CAMK2D: variants seen among roughly 807,000 people sequenced by gnomAD.
CAMK2D encodes calcium/calmodulin dependent protein kinase II delta, also known as calcium/calmodulin-dependent protein kinase type II subunit delta.
CAMK2D carries 37 observed loss-of-function variants against 84.0 expected under a neutral mutation model. That is an observed-to-expected ratio of 0.44 (90% confidence interval 0.34 to 0.58). The LOEUF is 0.58. Among genes scored for constraint, CAMK2D ranks in the 20% least tolerant of loss-of-function variants. The probability of loss-of-function intolerance (pLI) is 0.02; values close to 1 mark genes in which losing one functional copy is unlikely to be tolerated. For synonymous variants in CAMK2D, 202 were observed against 212.5 expected (o/e 0.95, Z 0.43); for missense variants, 448 against 652.5 (o/e 0.69, Z 3.41).
chr4:113,509,420 T>C (rs2098179030), intron 13 of CAMK2D, among the ~76,000 whole-genome samples: 1 of 152,222 alleles, frequency 6.6e-6, no homozygotes, highest in Admixed American at 6.5e-5. Context: ...TATTTTTTCA[T>C]GACTATTTCA....
At chr4:113,571,040 A>C (rs1014961487) in intron 4 of CAMK2D, among the ~76,000 whole-genome samples, 6 of 152,218 alleles carry the variant, frequency 3.9e-5, no homozygotes, top group Non-Finnish European at 8.8e-5. Flanking sequence ...AGGTGTATGA[A>C]AAAATGTTCA....
intron 3 of CAMK2D, among the ~76,000 whole-genome samples, chr4:113,631,955 T>C (rs1050373416): frequency 2.0e-5 from 3 of 152,152 alleles, no homozygotes; most frequent in African/African-American, 4.8e-5. Context: ...AATGATGAAA[T>C]TGTAGATACA....
At chr4:113,581,293 C>A (rs573645463) in intron 4 of CAMK2D, among the ~76,000 whole-genome samples, 15 of 152,070 alleles carry the variant, frequency 9.9e-5, no homozygotes, top group African/African-American at 3.4e-4. Flanking sequence ...GCGGGTGGAT[C>A]ACCTGAGGTC....
chr4:113,640,632 T>C (rs1016689802), intron 3 of CAMK2D, among the ~76,000 whole-genome samples: 1 of 152,204 alleles, frequency 6.6e-6, no homozygotes, highest in African/African-American at 2.4e-5. Context: ...AAGGTTCCAC[T>C]GGACTTAGTA....
At chr4:113,620,245 C>CA (rs2099039904) in intron 3 of CAMK2D, among the ~76,000 whole-genome samples, 1 of 152,068 alleles carries the variant, frequency 6.6e-6, no homozygotes, top group South Asian at 2.1e-4. Context: ...AAACAGCCAA[C>CA]ACCTCCAGGT....
chr4:113,735,503 T>A (rs1033884144), intron 2 of CAMK2D, among the ~76,000 whole-genome samples: 2 of 151,798 alleles, frequency 1.3e-5, no homozygotes, highest in Non-Finnish European at 2.9e-5. Context: ...ACACAATTTG[T>A]ACAATACACA....
At chr4:113,555,296 G>C (rs911396234) in intron 4 of CAMK2D, among the ~76,000 whole-genome samples, 1 of 152,172 alleles carries the variant, frequency 6.6e-6, no homozygotes, top group African/African-American at 2.4e-5. Flanking sequence ...AGTGCTCGAG[G>C]TGGTGGGGGA....
chr4:113,707,793 A>T (rs1358680079), intron 2 of CAMK2D, among the ~76,000 whole-genome samples: 3 of 152,176 alleles, frequency 2.0e-5, no homozygotes, highest in Non-Finnish European at 2.9e-5. Flanking sequence ...TAACCTCAGA[A>T]TGCTTCAGCT....
At chr4:113,639,367 T>C (rs1225048528) in intron 3 of CAMK2D, among the ~76,000 whole-genome samples, 3 of 152,180 alleles carry the variant, frequency 2.0e-5, no homozygotes, top group African/African-American at 7.2e-5. Context: ...ATTTGTTTGC[T>C]AGGCCCTGAA....
Position 113,453,270 on chromosome 4 carries a change from T to C in CAMK2D, c.*1275A>G, listed in dbSNP as rs745412194. 5.3e-5 allele frequency: 8 copies of C among 152,212 alleles called. No individual in the cohort carries two copies. Among genetic ancestry groups the C allele is most frequent in the Admixed American group, 1.3e-4 (2 of 15,272 alleles). The allele number at this position is 152,212 out of a possible 1,614,324, so 9.4% of individuals were successfully genotyped here. A position where few individuals can be genotyped will look rare whatever the true frequency, so the allele number is the denominator to read the frequency against. Reference sequence around the variant, plus strand: ...ACAAAGATCAAGTTCAAAACACTTATGAGAATGGCAAACATTTGTAAGCCT... The same window carrying C: ...ACAAAGATCAAGTTCAAAACACTTACGAGAATGGCAAACATTTGTAAGCCT... On this transcript the variant is annotated 3_prime_UTR_variant, in exon 21 of 21. Coordinates refer to ENST00000511664, the MANE Select transcript of CAMK2D (RefSeq NM_001321571.2).
At chr4:113,642,312 G>T (rs1164110591) in intron 3 of CAMK2D, among the ~76,000 whole-genome samples, 1 of 152,174 alleles carries the variant, frequency 6.6e-6, no homozygotes, top group Non-Finnish European at 1.5e-5. Context: ...TTCAGGATGG[G>T]CTCTGCAGAG....
At position 113,601,683 on chromosome 4, in the gene CAMK2D, C is replaced by CTTTTTTTT. The variant is rs755850795; in HGVS notation, c.275+7461_275+7468dup. Among the ~76,000 whole-genome samples, 236 of 45,834 alleles carry CTTTTTTTT rather than the reference C, an allele frequency of 5.1e-3. 25 individuals carry two copies. Among genetic ancestry groups the CTTTTTTTT allele is most frequent in the East Asian group, 0.011 (20 of 1,828 alleles). The allele number at this position is 45,834 out of a possible 152,430, so 30.1% of individuals were successfully genotyped here. A position where few individuals can be genotyped will look rare whatever the true frequency, so the allele number is the denominator to read the frequency against. On this transcript the variant is annotated intron_variant, in intron 4 of 20. Coordinates refer to ENST00000511664, the MANE Select transcript of CAMK2D (RefSeq NM_001321571.2). ...ATTTTATGTAGATTAACTGTTTATT[C>CTTTTTTTT]TTTTTTTTTTTTTTTTTTTTTTTTT...
intron 16 of CAMK2D, among the ~76,000 whole-genome samples, chr4:113,480,560 G>A (rs1049442054): frequency 2.0e-5 from 3 of 152,042 alleles, no homozygotes; most frequent in African/African-American, 7.2e-5. Context: ...GGGCTTGAGG[G>A]CCGGGTGCAG....
intron 9 of CAMK2D, among the ~76,000 whole-genome samples, chr4:113,516,590 C>T (rs2098286853): frequency 6.6e-6 from 1 of 151,106 alleles, no homozygotes; most frequent in Non-Finnish European, 1.5e-5. Context: ...AAAGAATATA[C>T]ATTTTTAATT....
chr4:113,475,331 ATAAC>A (rs6148622), intron 16 of CAMK2D, among the ~76,000 whole-genome samples: 98,592 of 151,632 alleles, frequency 0.65, 33,457 homozygotes, highest in African/African-American at 0.85. Context: ...CTGGTTTTGA[ATAAC>A]TAACAAACAA....
intron 16 of CAMK2D, among the ~76,000 whole-genome samples, chr4:113,478,764 G>T (rs778248453): frequency 6.6e-6 from 1 of 152,100 alleles, no homozygotes; most frequent in African/African-American, 2.4e-5. Context: ...TAGGCATGGA[G>T]TAAAAATACT....
chr4:113,549,909 T>C (rs1591081770), intron 5 of CAMK2D, among the ~76,000 whole-genome samples: 1 of 152,224 alleles, frequency 6.6e-6, no homozygotes. Context: ...TGCTGTTGAC[T>C]ACATTGTTTA....
intron 4 of CAMK2D, among the ~76,000 whole-genome samples, chr4:113,553,726 G>A (rs2098645480): frequency 6.6e-6 from 1 of 151,948 alleles, no homozygotes; most frequent in African/African-American, 2.4e-5. Context: ...CTTCATATAG[G>A]CATGTTCTAA....
chr4:113,465,385 C>G, intron 17 of CAMK2D, 144 bp downstream of exon 17: 1 of 585,430 alleles, frequency 1.7e-6, no homozygotes, highest in Non-Finnish European at 3.0e-6. Flanking sequence ...CCTAGGGGCA[C>G]TTAGTCATTT....
Sources: gnomAD v4.1 joint callset for allele counts (sites outside exome capture counted in the v4.1 genomes callset) on GRCh38, gnomAD v4.1.1 for gene constraint, MANE v1.5 for transcripts, NCBI Gene and HGNC (gene_info 2026-07-23, HGNC 2026-07-21) for gene names.